MCAM: variants seen among roughly 807,000 people sequenced by gnomAD.
MCAM encodes the protein cell surface glycoprotein MUC18.
A neutral mutation model predicts 79.1 loss-of-function variants in MCAM; 55 were observed. That is an observed-to-expected ratio of 0.70 (90% CI 0.56 to 0.87). The LOEUF (loss-of-function observed/expected upper bound fraction) is 0.87. Ranked by LOEUF, MCAM falls within the 40% of genes least tolerant of loss-of-function variation. The probability of loss-of-function intolerance (pLI) is 0.00; values close to 1 mark genes in which losing one functional copy is unlikely to be tolerated. For missense variants in MCAM, 745 were observed against 839.8 expected, an observed-to-expected ratio of 0.89 and a Z score of 1.40; for synonymous variants, 330 against 339.8, an observed-to-expected ratio of 0.97 and a Z score of 0.32.
In MCAM at chr11:119,312,417, G is replaced by C. The variant is rs762516428; in HGVS notation, c.873C>G (p.Thr291=). 1.2e-6 allele frequency: 2 copies of C among 1,613,966 alleles called. No individual in the cohort carries two copies. Among genetic ancestry groups the C allele is most frequent in the Non-Finnish European group, 1.7e-6 (2 of 1,179,966 alleles). Residue 291 remains threonine (T), a synonymous_variant, in exon 8 of 16, where the codon ACC becomes ACG. Coordinates refer to ENST00000264036, the MANE Select transcript of MCAM (RefSeq NM_006500.3). This position sits in a 1 kb window ranked among gnomAD's most constrained non-coding sequence, Gnocchi z 4.9. ...HFSISKQNPS[T]REAEEETTND... is the part of the protein sequence containing the mutation. The stretch of plus-strand genomic sequence containing the variant: ...TGGTTGTCTCTTCCTCTGCCTCCCT[G>C]GTGCTGGGGTTCTAGGGAGGATTGG...
chr11:119,310,396 C>A lies in MCAM; in HGVS notation c.1864G>T (p.Gly622Cys). Residue 622 changes from glycine (G) to cysteine (C), a missense_variant, in exon 15 of 16, where the codon GGC (glycine) becomes TGC (cysteine). Transcript: ENST00000264036. ...TCACCGCTGCTGCCCTGCAGGAGGC[C>A]CATCTCTTCTGGGAGCTTATCTGAC... ...VKSDKLPEEMGLLQGSSGDKR... is the reference protein window; with the variant it reads ...VKSDKLPEEMCLLQGSSGDKR... 6.2e-7 allele frequency: 1 copy of A among 1,614,080 alleles called. No individual in the cohort carries two copies. Among genetic ancestry groups the A allele is most frequent in the Non-Finnish European group, 8.5e-7 (1 of 1,179,986 alleles).
In MCAM at chr11:119,317,127, A is replaced by T. The variant is rs1315571221; in HGVS notation, c.-26T>A. On this transcript the variant is annotated 5_prime_UTR_variant, in exon 1 of 16. Coordinates refer to ENST00000264036, the MANE Select transcript of MCAM (RefSeq NM_006500.3). This position sits in a 1 kb window ranked among gnomAD's most constrained non-coding sequence, Gnocchi z 6.2. ...GCTTCCCGGCCGGAGGGCGAGAGCC[A>T]AGTGAGCAGCTCGAGGCTGCCGGGG... is the stretch of plus-strand genomic sequence containing the variant. The T allele has an allele frequency of 3.3e-6, 5 of 1,510,622 alleles. No individual in the cohort carries two copies. The highest frequency in any genetic ancestry group is 4.4e-6 in the Non-Finnish European group (5 of 1,132,846). 93.6% of individuals were successfully genotyped at this position (1,510,622 alleles called of 1,614,324 possible). A position where few individuals can be genotyped will look rare whatever the true frequency, so the allele number is the denominator to read the frequency against.
chr11:119,311,229 G>T lies in MCAM; in HGVS notation c.1550-44C>A. 2 of 1,613,024 alleles carry T rather than the reference G, an allele frequency of 1.2e-6. No homozygotes were observed. Among genetic ancestry groups the T allele is most frequent in the Non-Finnish European group, 1.7e-6 (2 of 1,179,062 alleles). On this transcript the variant is annotated intron_variant, in intron 12 of 15. Transcript: ENST00000264036. The surrounding 1 kb of genome is among the most constrained non-coding windows in gnomAD (Gnocchi z 4.4). ...GGTGTTAGGAGAAGCGCAAGTTACT[G>T]CCCGTGCCTGGGCCTGCCCCTGCCA...
At chr11:119,314,000 G>T (rs1283541951) in intron 5 of MCAM, 4 of 979,560 alleles carry the variant, frequency 4.1e-6, no homozygotes, top group Non-Finnish European at 4.9e-6. Flanking sequence ...CCTGATAGCA[G>T]AGATTATTTC....
At position 119,315,520 on chromosome 11, in the gene MCAM, G is replaced by C; in HGVS notation, c.68-257C>G. 1 of 496,058 alleles carries C rather than the reference G, an allele frequency of 2.0e-6. No individual in the cohort carries two copies. The highest frequency in any genetic ancestry group is 3.7e-6 in the Non-Finnish European group (1 of 273,338). The allele number at this position is 496,058 out of a possible 1,614,324, so 30.7% of individuals were successfully genotyped here. A position where few individuals can be genotyped will look rare whatever the true frequency, so the allele number is the denominator to read the frequency against. On this transcript the variant is annotated intron_variant, in intron 1 of 15. Transcript: ENST00000264036. The surrounding 1 kb of genome is among the most constrained non-coding windows in gnomAD (Gnocchi z 4.4). Reference sequence around the variant, plus strand: ...CACCGAACAGCTCCAGCTGAGGCTGGTAGAGGGGCAGAAAGGGGCAACCTA... The same window carrying C: ...CACCGAACAGCTCCAGCTGAGGCTGCTAGAGGGGCAGAAAGGGGCAACCTA...
Position 119,313,206 on chromosome 11 carries a change from G to A in MCAM, c.560-257C>T, listed in dbSNP as rs772289401. 17 of 1,451,000 alleles carry A rather than the reference G, an allele frequency of 1.2e-5. No homozygotes were observed. In the Middle Eastern group the frequency reaches 5.3e-4, roughly 46 times the overall value. 89.9% of individuals were successfully genotyped at this position (1,451,000 alleles called of 1,614,324 possible). A position where few individuals can be genotyped will look rare whatever the true frequency, so the allele number is the denominator to read the frequency against. On this transcript the variant is annotated intron_variant, in intron 5 of 15. Transcript: ENST00000264036. ...GCTGCAATGATAAAAACGAGCAGCC[G>A]TCTAGATGTCCACTAAATGGGGAAT...
Position 119,314,498 on chromosome 11 carries a change from C to A in MCAM, c.550G>T (p.Glu184Ter). The change falls in exon 5 of 16, where the codon GAG becomes TAG. Residue 184 changes from glutamate to a stop codon, truncating the protein, a stop_gained. Coordinates refer to ENST00000264036, the MANE Select transcript of MCAM (RefSeq NM_006500.3). LOFTEE classifies it high-confidence loss of function. The part of the protein sequence containing the change: ...WYKNGRPLKE[E>*]KNRVHIQSSQ... The stretch of plus-strand genomic sequence containing the variant: ...AGAAAGGGCTACTCACGGTTCTTCT[C>A]CTCCTTCAGAGGCCGGCCATTCTTG... The A allele has an allele frequency of 6.2e-7, 1 of 1,613,768 alleles. No individual in the cohort carries two copies. Among genetic ancestry groups the A allele is most frequent in the South Asian group, 1.1e-5 (1 of 91,056 alleles).
rs147340960 is a variant in MCAM, at chr11:119,312,108, G to A, written c.1087C>T (p.Leu363=). The A allele has an allele frequency of 3.1e-6, 5 of 1,613,444 alleles. No homozygotes were observed. The African/African-American group carries it at 6.7e-5, about 22-fold the overall frequency. The change falls in exon 9 of 16, where the codon CTG becomes TTG. Residue 363 remains leucine, a synonymous_variant. Transcript: ENST00000264036. This position sits in a 1 kb window ranked among gnomAD's most constrained non-coding sequence, Gnocchi z 4.9. ...PERQEGSSLT[L]TCEAESSQDL... is the part of the protein sequence containing the mutation. Reference sequence around the variant, plus strand: ...TGGCTACTCTCTGCCTCACAGGTCAGGGTGAGGCTGCTGCCTTCCTGTCTC... The same window carrying A: ...TGGCTACTCTCTGCCTCACAGGTCAAGGTGAGGCTGCTGCCTTCCTGTCTC...
At chr11:119,313,255 C>CGTAGTATGGAAAACTTGG in intron 5 of MCAM, 1 of 1,380,516 alleles carries the variant, frequency 7.2e-7, no homozygotes, top group Non-Finnish European at 9.5e-7. Context: ...ACCTGCTATG[C>CGTAGTATGGAAAACTTGG]GTAGTATGGA....
At chr11:119,310,998 C>T (rs1950226024) in intron 13 of MCAM, 92 bp downstream of exon 13, 1 of 1,613,840 alleles carries the variant, frequency 6.2e-7, no homozygotes, top group Non-Finnish European at 8.5e-7. Flanking sequence ...GATGGGGCTG[C>T]TACTCACCTT....
chr11:119,314,464 G>A (rs779186608), intron 5 of MCAM, 25 bp downstream of exon 5: 2 of 1,600,492 alleles, frequency 1.2e-6, no homozygotes, highest in East Asian at 2.2e-5. Context: ...CCCAAGGGTG[G>A]CTTTTGGGAG....
Position 119,317,093 on chromosome 11 carries a change from A to T in MCAM, c.9T>A (p.Leu3=). ...GCAAGAAGGCGCAGACCAGCCTGGGAAGCCCCATGCTTCCCGGCCGGAGGG... is the reference window on the plus strand; with the variant it reads ...GCAAGAAGGCGCAGACCAGCCTGGGTAGCCCCATGCTTCCCGGCCGGAGGG... MG[L]PRLVCAFLLA... The change falls in exon 1 of 16, where the codon CTT becomes CTA. Residue 3 remains leucine, a synonymous_variant. Coordinates refer to ENST00000264036, the MANE Select transcript of MCAM (RefSeq NM_006500.3). The surrounding 1 kb of genome is among the most constrained non-coding windows in gnomAD (Gnocchi z 6.2). 1 of 1,530,532 alleles carries T rather than the reference A, an allele frequency of 6.5e-7. No individual in the cohort carries two copies. The highest frequency in any genetic ancestry group is 8.8e-7 in the Non-Finnish European group (1 of 1,142,726). 94.8% of individuals were successfully genotyped at this position (1,530,532 alleles called of 1,614,324 possible).
chr11:119,315,416 G>A lies in MCAM; in HGVS notation c.68-153C>T. On this transcript the variant is annotated intron_variant, in intron 1 of 15. Coordinates refer to ENST00000264036, the MANE Select transcript of MCAM (RefSeq NM_006500.3). This position sits in a 1 kb window ranked among gnomAD's most constrained non-coding sequence, Gnocchi z 4.4. ...ACGCTCTACCCCCACCCCGACCCGC[G>A]CCCCACCTGGGCCAGCCCTCTCCCC... is the stretch of plus-strand genomic sequence containing the variant. 1.0e-5 allele frequency: 10 copies of A among 981,012 alleles called. No homozygotes were observed. The highest frequency in any genetic ancestry group is 3.3e-5 in the African/African-American group (2 of 61,054). 60.8% of individuals were successfully genotyped at this position (981,012 alleles called of 1,614,324 possible).
chr11:119,314,582 G>C lies in MCAM; in HGVS notation c.472-6C>G. ...CTCCCTACACAGGTAGCGACCTAAA[G>C]AGCACAGGGTGTGAGTCTCCCTGCC... On this transcript the variant is annotated splice_polypyrimidine_tract_variant and splice_region_variant and intron_variant, in intron 4 of 15. Coordinates refer to ENST00000264036, the MANE Select transcript of MCAM (RefSeq NM_006500.3). The C allele has an allele frequency of 6.2e-7, 1 of 1,613,684 alleles. No homozygotes were observed.
At position 119,314,181 on chromosome 11, in the gene MCAM, G is replaced by T. The variant is rs142339759; in HGVS notation, c.559+308C>A. The T allele has an allele frequency of 2.6e-4, 121 of 473,078 alleles. 2 individuals are homozygous for T. The highest frequency in any genetic ancestry group is 2.2e-3 in the African/African-American group (109 of 50,088). The allele number at this position is 473,078 out of a possible 1,614,324, so 29.3% of individuals were successfully genotyped here. ...AGGGACAGCTCTTTTTAAGAGATGG[G>T]GTCTCGCTCTGTCACCCAGGCCGGA... On this transcript the variant is annotated intron_variant, in intron 5 of 15. Transcript: ENST00000264036.
Position 119,311,913 on chromosome 11 carries a change from A to T in MCAM, c.1180T>A (p.Leu394Met), listed in dbSNP as rs115730438. The part of the protein sequence containing the change: ...QVLERGPVLQ[L>M]HDLKREAGGG... ...CCTGCCTCCCGTTTCAGGTCATGCA[A>T]CTGAAGCACAGGCCCCCTTTCCAGC... Residue 394 changes from leucine to methionine, a missense_variant, in exon 10 of 16, where the codon TTG becomes ATG. Coordinates refer to ENST00000264036, the MANE Select transcript of MCAM (RefSeq NM_006500.3). The surrounding 1 kb of genome is among the most constrained non-coding windows in gnomAD (Gnocchi z 4.4). 3.1e-3 allele frequency: 4,926 copies of T among 1,613,950 alleles called. 136 individuals carry two copies. In the African/African-American group the frequency reaches 0.057, roughly 19 times the overall value.
In MCAM at chr11:119,314,586, A is replaced by G. The variant is rs1410131120; in HGVS notation, c.472-10T>C. On this transcript the variant is annotated splice_polypyrimidine_tract_variant and intron_variant, in intron 4 of 15. Coordinates refer to ENST00000264036, the MANE Select transcript of MCAM (RefSeq NM_006500.3). The stretch of plus-strand genomic sequence containing the variant: ...CTACACAGGTAGCGACCTAAAGAGC[A>G]CAGGGTGTGAGTCTCCCTGCCTCCG... The G allele has an allele frequency of 6.2e-7, 1 of 1,613,312 alleles. No homozygotes were observed. The highest frequency in any genetic ancestry group is 8.5e-7 in the Non-Finnish European group (1 of 1,179,466).
rs1485640952 is a variant in MCAM, at chr11:119,311,983, A to C, written c.1144-34T>G. 1 of 1,612,292 alleles carries C rather than the reference A, an allele frequency of 6.2e-7. No individual in the cohort carries two copies. The highest frequency in any genetic ancestry group is 8.5e-7 in the Non-Finnish European group (1 of 1,179,356). Reference sequence around the variant, plus strand: ...AGAGATGGGTCAGAGGGTCTGGGAAAGAGCACATTCTTGTCACCGCCAGCC... The same window carrying C: ...AGAGATGGGTCAGAGGGTCTGGGAACGAGCACATTCTTGTCACCGCCAGCC... On this transcript the variant is annotated intron_variant, in intron 9 of 15. Coordinates refer to ENST00000264036, the MANE Select transcript of MCAM (RefSeq NM_006500.3). This position sits in a 1 kb window ranked among gnomAD's most constrained non-coding sequence, Gnocchi z 4.4.
chr11:119,314,016 G>GT, intron 5 of MCAM: 1 of 962,764 alleles, frequency 1.0e-6, no homozygotes, highest in African/African-American at 1.9e-5. Flanking sequence ...ATTTCTGGGA[G>GT]GGGGGGTCTC....
Sources: gnomAD v4.1 joint callset for allele counts on GRCh38, gnomAD v4.1.1 for gene constraint, Gnocchi (gnomAD v3.1) non-coding constraint, MANE v1.5 for transcripts, NCBI Gene and HGNC (gene_info 2026-07-23, HGNC 2026-07-21) for gene names.